The following HERC3 variants were observed in gnomAD, a reference collection of about 807,000 sequenced individuals.
HERC3 encodes the protein probable E3 ubiquitin-protein ligase HERC3.
A neutral mutation model predicts 129.9 loss-of-function variants in HERC3; 58 were observed. That is an observed-to-expected ratio of 0.45 (90% CI 0.36 to 0.56). HERC3 has a LOEUF of 0.56. Among genes scored for constraint, HERC3 ranks in the 20% least tolerant of loss-of-function variants. The pLI, the probability that HERC3 is intolerant of heterozygous loss-of-function variation, is 0.00. For synonymous variants in HERC3, 430 were observed against 451.0 expected, an observed-to-expected ratio of 0.95 and a Z score of 0.59; for missense variants, 835 against 1,244.2, an observed-to-expected ratio of 0.67 and a Z score of 4.95.
At chr4:88,690,034 A>T (rs1560769061) in intron 23 of HERC3, 1 of 985,252 alleles carries the variant, frequency 1.0e-6, no homozygotes, top group African/African-American at 1.7e-5. Context: ...GAAATGATGC[A>T]GAAGCCACCC....
At chr4:88,582,662 T>C in the HERC3 span, among the ~76,000 whole-genome samples, 3 of 152,164 alleles carry the variant, frequency 2.0e-5, no homozygotes, top group Non-Finnish European at 4.4e-5. Context: ...CAGGATATTC[T>C]TATTCTTCTG....
the HERC3 span, among the ~76,000 whole-genome samples, chr4:88,576,301 T>C: frequency 2.0e-5 from 3 of 152,188 alleles, no homozygotes; most frequent in Admixed American, 1.3e-4. Flanking sequence ...CAGTGATCTG[T>C]ATAAAACCTT....
intron 3 of HERC3, among the ~76,000 whole-genome samples, chr4:88,607,428 A>G (rs186172620): frequency 1.3e-5 from 2 of 152,242 alleles, no homozygotes; most frequent in Admixed American, 6.5e-5. Flanking sequence ...GGTGCTACAC[A>G]TATTTTAAGC....
At chr4:88,702,919 C>T (rs552824114) in intron 23 of HERC3, among the ~76,000 whole-genome samples, 1 of 152,276 alleles carries the variant, frequency 6.6e-6, no homozygotes, top group Non-Finnish European at 1.5e-5. Context: ...AAACATGGAG[C>T]TGAGACCCAC....
chr4:88,541,365 AGGGATC>A, the HERC3 span, among the ~76,000 whole-genome samples: 1 of 152,362 alleles, frequency 6.6e-6, no homozygotes, highest in South Asian at 2.1e-4. Flanking sequence ...AAAATGGTAT[AGGGATC>A]AATTCAACAA....
At chr4:88,536,472 C>A in the HERC3 span, among the ~76,000 whole-genome samples, 2 of 152,286 alleles carry the variant, frequency 1.3e-5, no homozygotes, top group South Asian at 4.1e-4. Context: ...CACTCACTCA[C>A]TCACTCTTAT....
chr4:88,649,035 A>G (rs1728992018), intron 3 of HERC3, among the ~76,000 whole-genome samples: 1 of 152,114 alleles, frequency 6.6e-6, no homozygotes, highest in Admixed American at 6.5e-5. Context: ...TGATTTCTCA[A>G]AAGACTTTTA....
At position 88,667,340 on chromosome 4, in the gene HERC3, T is replaced by C. The variant is rs1731156863; in HGVS notation, c.1332-37T>C. The C allele has an allele frequency of 9.4e-6, 11 of 1,176,268 alleles. No homozygotes were observed. The East Asian group carries it at 2.6e-4, about 28-fold the overall frequency. 72.9% of individuals were successfully genotyped at this position (1,176,268 alleles called of 1,614,324 possible). On this transcript the variant is annotated intron_variant, in intron 12 of 25. Transcript: ENST00000402738. ...AATTCCTATCAGAGTGTTTGCTTTTTCTTTTATTATATACCTTTTTGATTT... is the reference window on the plus strand; with the variant it reads ...AATTCCTATCAGAGTGTTTGCTTTTCCTTTTATTATATACCTTTTTGATTT...
chr4:88,689,940 A>T (rs912390283), intron 23 of HERC3: 1 of 840,954 alleles, frequency 1.2e-6, no homozygotes, highest in South Asian at 5.5e-5. Flanking sequence ...TTCATTAACC[A>T]TTTTTTTTTT....
intron 23 of HERC3, among the ~76,000 whole-genome samples, chr4:88,699,944 C>G (rs923042151): frequency 6.6e-6 from 1 of 152,122 alleles, no homozygotes; most frequent in African/African-American, 2.4e-5. Flanking sequence ...AGATATAGAA[C>G]AGTAAATAGT....
chr4:88,579,736 T>C, the HERC3 span, among the ~76,000 whole-genome samples: 4 of 152,192 alleles, frequency 2.6e-5, no homozygotes, highest in African/African-American at 9.7e-5. Context: ...CCTGTGCATA[T>C]GTTTTTTTAA....
intron 1 of HERC3, among the ~76,000 whole-genome samples, chr4:88,595,025 C>T (rs1009739731): frequency 7.0e-6 from 1 of 143,124 alleles, no homozygotes. Flanking sequence ...TCGCTTGAAC[C>T]TGGGAGGCAG....
At chr4:88,581,307 A>ATTT in the HERC3 span, among the ~76,000 whole-genome samples, 38 of 143,886 alleles carry the variant, frequency 2.6e-4, no homozygotes, top group Middle Eastern at 3.3e-3. Context: ...TATTATTATT[A>ATTT]TTTTTTTTTT....
the HERC3 span, among the ~76,000 whole-genome samples, chr4:88,559,065 TGATA>T: frequency 2.4e-4 from 36 of 152,268 alleles, no homozygotes; most frequent in East Asian, 7.7e-4. Flanking sequence ...TGGAATATAT[TGATA>T]GATAGACAGT....
At position 88,697,866 on chromosome 4, in the gene HERC3, G is replaced by A. The variant is rs981786584; in HGVS notation, c.2658-6232G>A. 9.9e-5 allele frequency: 142 copies of A among 1,434,324 alleles called. No homozygotes were observed. In the East Asian group the frequency reaches 1.2e-3, roughly 12 times the overall value. The allele number at this position is 1,434,324 out of a possible 1,614,324, so 88.8% of individuals were successfully genotyped here. On this transcript the variant is annotated intron_variant, in intron 23 of 25. Transcript: ENST00000402738. ...AAGTGGCGGTGACGTGCGGCCGCGG[G>A]AATGACGTTGGCCGCGGCCCCGCCT...
At chr4:88,618,849 G>T (rs543228707) in intron 3 of HERC3, among the ~76,000 whole-genome samples, 16 of 152,152 alleles carry the variant, frequency 1.1e-4, no homozygotes, top group Non-Finnish European at 2.1e-4. Context: ...GATATTTTGG[G>T]TCAGAAAACA....
the HERC3 span, among the ~76,000 whole-genome samples, chr4:88,549,281 A>G: frequency 3.3e-5 from 5 of 151,642 alleles, no homozygotes; most frequent in East Asian, 9.7e-4. Flanking sequence ...TATAAATCTC[A>G]TATATTCCTT....
the HERC3 span, among the ~76,000 whole-genome samples, chr4:88,540,609 C>T: frequency 8.5e-5 from 13 of 152,278 alleles, no homozygotes; most frequent in African/African-American, 2.4e-4. Context: ...CACAAAGATA[C>T]TCCTTGAGAA....
chr4:88,581,304 ATTAT>A, the HERC3 span, among the ~76,000 whole-genome samples: 463 of 150,538 alleles, frequency 3.1e-3, 12 homozygotes, highest in East Asian at 0.082. Context: ...TATTATTATT[ATTAT>A]TTTTTTTTTG....
Sources: allele counts gnomAD v4.1 joint callset (sites outside exome capture counted in the v4.1 genomes callset), GRCh38; gene constraint gnomAD v4.1.1; transcripts MANE v1.5; gene names NCBI Gene and HGNC (gene_info 2026-07-23, HGNC 2026-07-21).